The following AOX1 variants were observed in gnomAD, a reference collection of about 807,000 sequenced individuals.
AOX1 encodes the protein aldehyde oxidase 1.
AOX1 carries 153 observed loss-of-function variants against 169.5 expected under a neutral mutation model. The ratio of observed to expected loss-of-function variants is 0.90; its 90% CI spans 0.79 to 1.03. AOX1 has a LOEUF of 1.03. Ranked by LOEUF, AOX1 falls within the 50% of genes least tolerant of loss-of-function variation. AOX1 has a pLI of 0.00. For synonymous variants in AOX1, 562 were observed against 581.9 expected (o/e 0.97, Z 0.49); for missense variants, 1,656 against 1,663.9 (o/e 1.00, Z 0.08).
intron 21 of AOX1, 79 bp from the exon 22 acceptor site, chr2:200,636,832 C>A (rs1004293582): frequency 2.0e-6 from 3 of 1,510,376 alleles, no homozygotes; most frequent in Non-Finnish European, 2.7e-6. Flanking sequence ...TTGTTAAAAT[C>A]ATAGATGTGA....
At chr2:200,676,912 A>G (rs1472328958) in exon 5 of AOX1, 9 of 470,772 alleles carry the variant, frequency 1.9e-5, no homozygotes, top group Non-Finnish European at 4.0e-5. Flanking sequence ...CGGACACAGG[A>G]ACAGGTGCTT....
At chr2:200,670,331 G>C (rs2036003124) in intron 34 of AOX1, among the ~76,000 whole-genome samples, 1 of 152,120 alleles carries the variant, frequency 6.6e-6, no homozygotes, top group South Asian at 2.1e-4. Flanking sequence ...ACTCACACTG[G>C]CTCTTTGTGG....
At chr2:200,617,571 G>A (rs959336270) in intron 16 of AOX1, among the ~76,000 whole-genome samples, 2 of 151,434 alleles carry the variant, frequency 1.3e-5, no homozygotes, top group African/African-American at 4.9e-5. Context: ...TTTTTGGCAG[G>A]CCTCACACAA....
At chr2:200,632,914 T>C (rs1466085074) in intron 20 of AOX1, among the ~76,000 whole-genome samples, 4 of 151,382 alleles carry the variant, frequency 2.6e-5, no homozygotes, top group Non-Finnish European at 5.9e-5. Flanking sequence ...TTTTTTTTTT[T>C]CAGATGGAAT....
In AOX1 at chr2:200,612,776, C is replaced by A; in HGVS notation, c.1431C>A (p.Cys477Ter). 6.2e-7 allele frequency: 1 copy of A among 1,613,592 alleles called. No homozygotes were observed. The highest frequency in any genetic ancestry group is 8.5e-7 in the Non-Finnish European group (1 of 1,179,786). ...CCACCATCTGTGCCAAGAATTCCTG[C>A]CAGAAACTCATTGGAAGGTAAGGCA... ...GPATICAKNS[C>*]QKLIGRHWNE... Residue 477 changes from cysteine (C) to a stop codon, truncating the protein, a stop_gained, in exon 14 of 35, where the codon TGC becomes TGA. Coordinates refer to ENST00000374700, the MANE Select transcript of AOX1 (RefSeq NM_001159.4). LOFTEE classifies it high-confidence loss of function.
rs1225845303 is a variant in AOX1 at position 200,632,980 on chromosome 2, T to G, written c.2222-1811T>G. The stretch of plus-strand genomic sequence containing the variant: ...GGTGTGATATCAGCTCACTGCAACC[T>G]CTGACTCCCAGGTTCAAGCTACTCT... On this transcript the variant is annotated intron_variant, in intron 20 of 34. Transcript: ENST00000374700. 2.6e-5 allele frequency among the ~76,000 whole-genome samples: 4 copies of G among 151,202 alleles called. 1 individual carries two copies. The Admixed American group carries it at 2.6e-4, about 10-fold the overall frequency.
intron 20 of AOX1, among the ~76,000 whole-genome samples, chr2:200,628,417 A>T (rs1282459124): frequency 6.6e-6 from 1 of 152,114 alleles, no homozygotes; most frequent in East Asian, 1.9e-4. Context: ...GAGGTTCATC[A>T]TAAGTCTTAA....
chr2:200,596,761 G>T (rs1333690428), intron 3 of AOX1, among the ~76,000 whole-genome samples: 2 of 152,122 alleles, frequency 1.3e-5, no homozygotes, highest in East Asian at 1.9e-4. Context: ...TCGGAGTTTA[G>T]TTTATTTATT....
At chr2:200,676,786 TAGAC>T (rs2036106431) in intron 4 of AOX1, 3 of 405,096 alleles carry the variant, frequency 7.4e-6, no homozygotes, top group Non-Finnish European at 1.5e-5. Flanking sequence ...GTTGGGAACA[TAGAC>T]AGACAGGAGC....
At position 200,596,055 on chromosome 2, in the gene AOX1, T is replaced by G. The variant is rs750561356; in HGVS notation, c.200+687T>G. Among the ~76,000 whole-genome samples the G allele has an allele frequency of 5.3e-5, 8 of 152,054 alleles. No homozygotes were observed. The South Asian group carries it at 1.0e-3, about 20-fold the overall frequency. On this transcript the variant is annotated intron_variant, in intron 3 of 34. Coordinates refer to ENST00000374700, the MANE Select transcript of AOX1 (RefSeq NM_001159.4). ...CTCAAGGCATTATCTCTTCAAATAT[T>G]TACTCTGTGCCACACACTCTTCCCT...
intron 24 of AOX1, among the ~76,000 whole-genome samples, chr2:200,642,405 T>C (rs796469423): frequency 5.3e-5 from 8 of 152,110 alleles, no homozygotes; most frequent in African/African-American, 1.9e-4. Flanking sequence ...AAATAAAAAA[T>C]AATGCTCTCA....
At chr2:200,638,390 T>G in intron 23 of AOX1, 88 bp downstream of exon 23, 1 of 1,165,248 alleles carries the variant, frequency 8.6e-7, no homozygotes, top group Non-Finnish European at 1.3e-6. Context: ...TACTCTCTAG[T>G]GGGGAGTAAC....
rs903529362 is a variant in AOX1, at chr2:200,603,454, T to C, written c.588+98T>C. On this transcript the variant is annotated intron_variant, in intron 7 of 34. Transcript: ENST00000374700. ...CAAATGGCTACCCAAGTTGACTAAC[T>C]TGAGGTATGTCAACATGTGCCCTCT... The C allele has an allele frequency of 1.7e-5, 15 of 881,752 alleles. No individual in the cohort carries two copies. In the African/African-American group the frequency reaches 1.9e-4, roughly 11 times the overall value. 54.6% of individuals were successfully genotyped at this position (881,752 alleles called of 1,614,324 possible).
chr2:200,628,630 A>T (rs1409896038), intron 20 of AOX1, among the ~76,000 whole-genome samples: 1 of 152,148 alleles, frequency 6.6e-6, no homozygotes, highest in Admixed American at 6.6e-5. Context: ...GTGCATGTTA[A>T]AAACTCCCAT....
intron 1 of AOX1, among the ~76,000 whole-genome samples, chr2:200,587,365 G>A (rs1238928076): frequency 1.3e-5 from 2 of 152,142 alleles, no homozygotes; most frequent in Non-Finnish European, 2.9e-5. Flanking sequence ...TGTTGGTGCC[G>A]GTTCATTCAG....
chr2:200,673,081 C>A (rs1005677021), downstream of AOX1, among the ~76,000 whole-genome samples: 3 of 152,198 alleles, frequency 2.0e-5, no homozygotes, highest in African/African-American at 7.2e-5. Context: ...TGTGCTGATG[C>A]AGGTCGTGGG....
downstream of AOX1, among the ~76,000 whole-genome samples, chr2:200,681,009 T>A (rs567612364): frequency 6.6e-6 from 1 of 152,114 alleles, no homozygotes; most frequent in Non-Finnish European, 1.5e-5. Flanking sequence ...TGGCAATAAG[T>A]CCCTCCAATT....
downstream of AOX1, among the ~76,000 whole-genome samples, chr2:200,675,940 T>C (rs149758885): frequency 3.4e-3 from 506 of 149,422 alleles, 4 homozygotes; most frequent in African/African-American, 0.012. Flanking sequence ...CACCAACCTA[T>C]AACTTGAAAA....
chr2:200,598,127 G>A (rs1197382381), intron 4 of AOX1, among the ~76,000 whole-genome samples: 1 of 151,538 alleles, frequency 6.6e-6, no homozygotes, highest in Admixed American at 6.6e-5. Flanking sequence ...AGGAGAAAAA[G>A]AGGGAGAGAG....
Sources: gnomAD v4.1 joint callset for allele counts (sites outside exome capture counted in the v4.1 genomes callset) on GRCh38, gnomAD v4.1.1 for gene constraint, MANE v1.5 for transcripts, NCBI Gene and HGNC (gene_info 2026-07-23, HGNC 2026-07-21) for gene names.